CYS1: variants seen among roughly 807,000 people sequenced by gnomAD.
CYS1 encodes the protein cystin-1.
In CYS1, 5 loss-of-function variants were observed where a neutral mutation model predicts 9.6. The observed-to-expected ratio is 0.52, with a 90% CI of 0.27 to 1.10. The LOEUF (loss-of-function observed/expected upper bound fraction) is 1.10. Among genes scored for constraint, CYS1 ranks in the 50% least tolerant of loss-of-function variants. CYS1 has a pLI of 0.11. For synonymous variants in CYS1, 88 were observed against 95.7 expected (o/e 0.92, Z 0.47); for missense variants, 221 against 207.9 (o/e 1.06, Z -0.39).
rs1661689165 is a variant in CYS1, at chr2:10,065,942, C to T, written c.333G>A (p.Gln111=). The T allele has an allele frequency of 6.2e-7, 1 of 1,614,106 alleles. No homozygotes were observed. The highest frequency in any genetic ancestry group is 1.1e-5 in the South Asian group (1 of 91,078). ...CGCTCCCCGGGTGGCCCTCTGTGCT[C>T]TGCTCTGCGCACACCTTGAGAAAGA... ...AVAGSAVCAE[Q]STEGHPGSGN... The change falls in exon 2 of 3, where the codon CAG becomes CAA. Residue 111 remains glutamine (Q), a synonymous_variant. Transcript: ENST00000381813.
At chr2:10,065,575 A>G (rs917742196) in intron 2 of CYS1, among the ~76,000 whole-genome samples, 1 of 152,214 alleles carries the variant, frequency 6.6e-6, no homozygotes, top group Non-Finnish European at 1.5e-5. Flanking sequence ...TCTTGTTCCT[A>G]GATCTGGCCA....
intron 2 of CYS1, among the ~76,000 whole-genome samples, chr2:10,059,197 G>C (rs1368365492): frequency 1.3e-5 from 2 of 152,266 alleles, no homozygotes; most frequent in African/African-American, 2.4e-5. Context: ...ACCTGCCCTG[G>C]TTGAGGGAGG....
At chr2:10,064,231 TA>T (rs960216424) in intron 2 of CYS1, among the ~76,000 whole-genome samples, 1 of 151,410 alleles carries the variant, frequency 6.6e-6, no homozygotes, top group African/African-American at 2.4e-5. Flanking sequence ...CTCAAAAAAA[TA>T]AAAAATAAAA....
At chr2:10,079,461 C>T (rs1030257667) in intron 1 of CYS1, among the ~76,000 whole-genome samples, 3 of 152,258 alleles carry the variant, frequency 2.0e-5, no homozygotes, top group Non-Finnish European at 4.4e-5. Context: ...AGAGATTCCG[C>T]AGCATCCTAA....
At chr2:10,072,317 A>T (rs553240531) in intron 1 of CYS1, among the ~76,000 whole-genome samples, 89 of 152,338 alleles carry the variant, frequency 5.8e-4, no homozygotes, top group African/African-American at 2.1e-3. Context: ...TCCTGACCTC[A>T]GGTGATCCGC....
chr2:10,060,732 C>T (rs1661615733), intron 2 of CYS1, among the ~76,000 whole-genome samples: 1 of 152,244 alleles, frequency 6.6e-6, no homozygotes, highest in African/African-American at 2.4e-5. Context: ...CCAGGCAGAT[C>T]TCACCTGGCT....
Position 10,080,250 on chromosome 2 carries a change from C to A in CYS1, c.-27G>T, listed in dbSNP as rs539797177. The A allele has an allele frequency of 1.0e-3, 1,072 of 1,034,444 alleles. 2 individuals carry two copies. Among genetic ancestry groups the A allele is most frequent in the Non-Finnish European group, 1.2e-3 (1,039 of 865,720 alleles). 64.1% of individuals were successfully genotyped at this position (1,034,444 alleles called of 1,614,324 possible). On this transcript the variant is annotated 5_prime_UTR_variant, in exon 1 of 3. Transcript: ENST00000381813. The surrounding 1 kb of genome is among the most constrained non-coding windows in gnomAD (Gnocchi z 6.4). ...GCGCGCCCGCCGCCTCCCGGACCGC[C>A]GAGGGGGCCCCCATGAGGGGGCGCG...
intron 1 of CYS1, among the ~76,000 whole-genome samples, chr2:10,075,263 C>G (rs769016157): frequency 6.6e-6 from 1 of 152,256 alleles, no homozygotes; most frequent in Non-Finnish European, 1.5e-5. Flanking sequence ...AGACTTCTGC[C>G]TCGGGTGGGA....
In CYS1 at chr2:10,059,004, C is replaced by T. The variant is rs367569043; in HGVS notation, c.372-46G>A. 5.2e-5 allele frequency: 78 copies of T among 1,502,348 alleles called. No homozygotes were observed. In the African/African-American group the frequency reaches 9.7e-4, roughly 19 times the overall value. The allele number at this position is 1,502,348 out of a possible 1,614,324, so 93.1% of individuals were successfully genotyped here. ...AGGGCTGTCAGGAGGCAGGATGGTG[C>T]GTTCACACTCATTTCCCCTGGCCAC... On this transcript the variant is annotated intron_variant, in intron 2 of 2. Transcript: ENST00000381813.
At chr2:10,064,896 G>GTTTTTTT (rs77778372) in intron 2 of CYS1, among the ~76,000 whole-genome samples, 1 of 131,810 alleles carries the variant, frequency 7.6e-6, no homozygotes, top group African/African-American at 2.7e-5. Context: ...TTTTGTTTTT[G>GTTTTTTT]TTTTTTTTTT....
chr2:10,062,458 C>T (rs1661640372), intron 2 of CYS1, among the ~76,000 whole-genome samples: 1 of 151,882 alleles, frequency 6.6e-6, no homozygotes, highest in Non-Finnish European at 1.5e-5. Flanking sequence ...CAGTGGCGCA[C>T]TCTGCGATCT....
intron 2 of CYS1, among the ~76,000 whole-genome samples, chr2:10,065,590 G>A (rs1360813438): frequency 2.6e-5 from 4 of 152,212 alleles, no homozygotes; most frequent in East Asian, 1.9e-4. Flanking sequence ...TGGCCACAGC[G>A]CACAGCATGG....
intron 2 of CYS1, among the ~76,000 whole-genome samples, chr2:10,059,414 C>T (rs1661596022): frequency 1.3e-5 from 2 of 152,262 alleles, no homozygotes; most frequent in Admixed American, 6.5e-5. Flanking sequence ...ATGGGAATCA[C>T]GGCCAGGCGC....
chr2:10,077,885 G>A (rs142833249), intron 1 of CYS1, among the ~76,000 whole-genome samples: 6,131 of 152,178 alleles, frequency 0.04, 160 homozygotes, highest in Middle Eastern at 0.068. Flanking sequence ...CAAGGTGGGC[G>A]GGTCACCTGA....
In CYS1 at chr2:10,080,280, G is replaced by C. The variant is rs1390769804; in HGVS notation, c.-57C>G. 9.9e-7 allele frequency: 1 copy of C among 1,005,528 alleles called. No individual in the cohort carries two copies. Among genetic ancestry groups the C allele is most frequent in the African/African-American group, 1.7e-5 (1 of 57,304 alleles). 62.3% of individuals were successfully genotyped at this position (1,005,528 alleles called of 1,614,324 possible). A position where few individuals can be genotyped will look rare whatever the true frequency, so the allele number is the denominator to read the frequency against. On this transcript the variant is annotated 5_prime_UTR_variant, in exon 1 of 3. Transcript: ENST00000381813. This position sits in a 1 kb window ranked among gnomAD's most constrained non-coding sequence, Gnocchi z 6.4. ...GGGCCCCCATGAGGGGGCGCGGCCG[G>C]GGGCGGGGACGCTAGGGGGTGCGGC... is the stretch of plus-strand genomic sequence containing the variant.
intron 1 of CYS1, among the ~76,000 whole-genome samples, chr2:10,072,902 G>C (rs1025211671): frequency 1.0e-4 from 15 of 150,172 alleles, no homozygotes; most frequent in African/African-American, 3.4e-4. Flanking sequence ...TCGGAGAGTG[G>C]TGCGGGTGGG....
chr2:10,067,423 T>C (rs1661713462), intron 1 of CYS1, among the ~76,000 whole-genome samples: 1 of 150,728 alleles, frequency 6.6e-6, no homozygotes, highest in African/African-American at 2.4e-5. Context: ...TTTTTTTTTT[T>C]TTGAGACAGG....
chr2:10,080,103 C>A lies in CYS1; in HGVS notation c.121G>T (p.Ala41Ser). The A allele has an allele frequency of 1.9e-6, 2 of 1,026,836 alleles. No homozygotes were observed. Among genetic ancestry groups the A allele is most frequent in the South Asian group, 4.3e-5 (1 of 23,382 alleles). 63.6% of individuals were successfully genotyped at this position (1,026,836 alleles called of 1,614,324 possible). Residue 41 changes from alanine to serine, a missense_variant, in exon 1 of 3, where the codon GCG becomes TCG. Transcript: ENST00000381813. The surrounding 1 kb of genome is among the most constrained non-coding windows in gnomAD (Gnocchi z 6.4). ...GCTGCCCCCGGGACCTCGGCCGCCG[C>A]CACCGGCACCCGCCGGCGGGTCCCG... ...EGGTRRRVPV[A>S]AAEVPGAAAE...
In CYS1 at chr2:10,058,808, C is replaced by T. The variant is rs375786169; in HGVS notation, c.*45G>A. 8.7e-6 allele frequency: 13 copies of T among 1,493,608 alleles called. No individual in the cohort carries two copies. The highest frequency in any genetic ancestry group is 1.4e-5 in the African/African-American group (1 of 72,158). 92.5% of individuals were successfully genotyped at this position (1,493,608 alleles called of 1,614,324 possible). ...TCTGTGCAAGCAGAGGGTGCCCCAG[C>T]CAGCAGGTGCCTCCGAGGCCTGGCG... On this transcript the variant is annotated 3_prime_UTR_variant, in exon 3 of 3. Coordinates refer to ENST00000381813, the MANE Select transcript of CYS1 (RefSeq NM_001037160.3).
Sources: allele counts gnomAD v4.1 joint callset (sites outside exome capture counted in the v4.1 genomes callset), GRCh38; gene constraint gnomAD v4.1.1; non-coding constraint Gnocchi (gnomAD v3.1); transcripts MANE v1.5; gene names NCBI Gene and HGNC (gene_info 2026-07-23, HGNC 2026-07-21).